Variants in FRMD4A observed in about 807,000 individuals in gnomAD.
FRMD4A encodes the protein FERM domain containing 4A, also known as FERM domain-containing protein 4A.
In FRMD4A, 29 loss-of-function variants were observed where a neutral mutation model predicts 129.1. The observed-to-expected ratio is 0.22, with a 90% CI of 0.17 to 0.31. The LOEUF is 0.31. Among genes scored for constraint, FRMD4A ranks in the 10% least tolerant of loss-of-function variants. FRMD4A has a pLI of 1.00. For synonymous variants in FRMD4A, 634 were observed against 571.6 expected (o/e 1.11, Z -1.56); for missense variants, 1,272 against 1,375.8 (o/e 0.92, Z 1.19).
chr10:13,821,562 C>T lies in FRMD4A; in HGVS notation c.112-10654G>A, dbSNP rs2093630102. On this transcript the variant is annotated intron_variant, in intron 3 of 24. Coordinates refer to ENST00000357447, the MANE Select transcript of FRMD4A (RefSeq NM_018027.5). This position sits in a 1 kb window ranked among gnomAD's most constrained non-coding sequence, Gnocchi z 4.3. ...ACAGCAAAGCTGCCAACAACACTGC[C>T]CACCTGTCCCCGCCTGCAGCTGCTA... Among the ~76,000 whole-genome samples, 1 of 152,176 alleles carries T rather than the reference C, an allele frequency of 6.6e-6. No individual in the cohort carries two copies. Among genetic ancestry groups the T allele is most frequent in the Non-Finnish European group, 1.5e-5 (1 of 68,030 alleles).
intron 3 of FRMD4A, among the ~76,000 whole-genome samples, chr10:13,853,328 C>T (rs938878896): frequency 2.0e-5 from 3 of 152,218 alleles, no homozygotes; most frequent in Admixed American, 2.0e-4. Context: ...AGGAGAATCA[C>T]TTGGGATCTG....
rs56064346 is a variant in FRMD4A at position 14,218,955 on chromosome 10, C to CAAAAA, written c.45+111098_45+111102dup. Among the ~76,000 whole-genome samples the CAAAAA allele has an allele frequency of 1.1e-3, 81 of 72,642 alleles. 13 individuals carry two copies. The highest frequency in any genetic ancestry group is 5.7e-3 in the African/African-American group (75 of 13,050). The allele number at this position is 72,642 out of a possible 152,430, so 47.7% of individuals were successfully genotyped here. A position where few individuals can be genotyped will look rare whatever the true frequency, so the allele number is the denominator to read the frequency against. On this transcript the variant is annotated intron_variant, in intron 2 of 24. Coordinates refer to ENST00000357447, the MANE Select transcript of FRMD4A (RefSeq NM_018027.5). ...GGGCAACAAGAGTGAGACTTCATCT[C>CAAAAA]AAAAAAAAAAAAAAAAAAAAAAAAA...
intron 2 of FRMD4A, among the ~76,000 whole-genome samples, chr10:13,865,171 G>A (rs2094348848): frequency 6.6e-6 from 1 of 151,982 alleles, no homozygotes; most frequent in Non-Finnish European, 1.5e-5. Flanking sequence ...CTTGTTCCTT[G>A]TCTGTACAAG....
At chr10:14,252,006 T>C (rs753034573) in intron 2 of FRMD4A, among the ~76,000 whole-genome samples, 1 of 152,244 alleles carries the variant, frequency 6.6e-6, no homozygotes, top group Non-Finnish European at 1.5e-5. Flanking sequence ...TATCATACTA[T>C]GTATTTTTAA....
intron 2 of FRMD4A, among the ~76,000 whole-genome samples, chr10:14,222,097 C>A (rs1843281339): frequency 6.6e-6 from 1 of 152,188 alleles, no homozygotes; most frequent in Non-Finnish European, 1.5e-5. Context: ...TTTAGTTCAT[C>A]AGCGAAGTAT....
intron 2 of FRMD4A, among the ~76,000 whole-genome samples, chr10:13,926,833 C>T (rs941657072): frequency 4.6e-5 from 7 of 152,192 alleles, no homozygotes; most frequent in Non-Finnish European, 8.8e-5. Flanking sequence ...AAAATAAATT[C>T]CACTGAGGGT....
At chr10:13,735,093 G>A (rs1244247995) in intron 12 of FRMD4A, among the ~76,000 whole-genome samples, 3 of 152,080 alleles carry the variant, frequency 2.0e-5, no homozygotes, top group Admixed American at 1.3e-4. Context: ...GGCTGGTCTC[G>A]AACTCCTGAA....
chr10:13,730,674 G>C (rs919648952), intron 12 of FRMD4A, among the ~76,000 whole-genome samples: 1 of 151,924 alleles, frequency 6.6e-6, no homozygotes, highest in African/African-American at 2.4e-5. Flanking sequence ...ATGCTAAAAT[G>C]GAATGTGGTA....
intron 2 of FRMD4A, among the ~76,000 whole-genome samples, chr10:14,151,050 A>G (rs928674323): frequency 2.0e-5 from 3 of 152,164 alleles, no homozygotes; most frequent in Non-Finnish European, 4.4e-5. Context: ...AAATTCCTTG[A>G]CTTCTTGATT....
At position 13,746,360 on chromosome 10, in the gene FRMD4A, G is replaced by A. The variant is rs1002933368; in HGVS notation, c.548+1376C>T. 3.9e-5 allele frequency among the ~76,000 whole-genome samples: 6 copies of A among 152,162 alleles called. No homozygotes were observed. The South Asian group carries it at 1.2e-3, about 32-fold the overall frequency. ...TGAGTAGCTGGGACACCAGGCGCGCGACATCATGTCCAGCTAATTTTTTTT... is the reference window on the plus strand; with the variant it reads ...TGAGTAGCTGGGACACCAGGCGCGCAACATCATGTCCAGCTAATTTTTTTT... On this transcript the variant is annotated intron_variant, in intron 9 of 24. Transcript: ENST00000357447.
intron 2 of FRMD4A, among the ~76,000 whole-genome samples, chr10:13,899,895 G>T (rs2094800018): frequency 6.6e-6 from 1 of 152,202 alleles, no homozygotes; most frequent in Non-Finnish European, 1.5e-5. Flanking sequence ...GGAATTGATA[G>T]GCTCCTGTGT....
chr10:13,835,464 C>T (rs967008675), intron 3 of FRMD4A, among the ~76,000 whole-genome samples: 18 of 152,268 alleles, frequency 1.2e-4, no homozygotes, highest in Admixed American at 6.5e-4. Flanking sequence ...CCACAGCAGG[C>T]GGTGAGTCGC....
At chr10:13,942,648 G>C (rs1475798466) in intron 2 of FRMD4A, among the ~76,000 whole-genome samples, 1 of 152,188 alleles carries the variant, frequency 6.6e-6, no homozygotes, top group Non-Finnish European at 1.5e-5. Flanking sequence ...TTAAAAAAGA[G>C]ATCTAGCCAG....
At chr10:13,816,860 G>A (rs567848289) in intron 3 of FRMD4A, among the ~76,000 whole-genome samples, 3 of 152,338 alleles carry the variant, frequency 2.0e-5, no homozygotes, top group African/African-American at 7.2e-5. Context: ...CAGAGGCCAC[G>A]TGAGCAAGGC....
intron 2 of FRMD4A, among the ~76,000 whole-genome samples, chr10:14,051,104 C>G (rs1834238902): frequency 6.6e-6 from 1 of 152,170 alleles, no homozygotes; most frequent in Admixed American, 6.5e-5. Context: ...TGTTGGACAC[C>G]CGGCTGGTGT....
intron 2 of FRMD4A, among the ~76,000 whole-genome samples, chr10:14,060,145 T>A (rs552541916): frequency 6.6e-6 from 1 of 152,230 alleles, no homozygotes; most frequent in South Asian, 2.1e-4. Context: ...AATTCACTTA[T>A]TTAATTATCA....
At chr10:14,005,869 C>T (rs76174816) in intron 2 of FRMD4A, among the ~76,000 whole-genome samples, 2,286 of 152,214 alleles carry the variant, frequency 0.015, 41 homozygotes, top group East Asian at 0.089. Flanking sequence ...GTTAGTGACT[C>T]GCAATGGTAA....
At chr10:13,663,542 C>A in intron 18 of FRMD4A, 33 bp from the exon 19 acceptor site, 1 of 1,085,944 alleles carries the variant, frequency 9.2e-7, no homozygotes, top group South Asian at 1.2e-5. Context: ...CCTATGAGTT[C>A]AGCACATTCC....
At chr10:13,961,248 G>A (rs2095444203) in intron 2 of FRMD4A, among the ~76,000 whole-genome samples, 1 of 152,184 alleles carries the variant, frequency 6.6e-6, no homozygotes, top group South Asian at 2.1e-4. Context: ...TTCAAAGGGA[G>A]TTAACACGAC....
Sources: gnomAD v4.1 joint callset for allele counts (sites outside exome capture counted in the v4.1 genomes callset) on GRCh38, gnomAD v4.1.1 for gene constraint, Gnocchi (gnomAD v3.1) non-coding constraint, MANE v1.5 for transcripts, NCBI Gene and HGNC (gene_info 2026-07-23, HGNC 2026-07-21) for gene names.